The following PRSS33 variants were observed in gnomAD, a reference collection of about 807,000 sequenced individuals.
The protein encoded by PRSS33 is serine protease 33, also known as protease, serine 33.
In PRSS33, 32 loss-of-function variants were observed where a neutral mutation model predicts 26.7. That is an observed-to-expected ratio of 1.20 (90% confidence interval 0.90 to 1.61). The LOEUF is 1.61. Among genes scored for constraint, PRSS33 ranks in the 40% most tolerant of loss-of-function variants. PRSS33 has a pLI of 0.00. For synonymous variants in PRSS33, 192 were observed against 177.6 expected, an observed-to-expected ratio of 1.08 and a Z score of -0.64; for missense variants, 450 against 396.3, an observed-to-expected ratio of 1.14 and a Z score of -1.15.
chr16:2,786,662 C>G, intron 1 of PRSS33, 58 bp from the exon 2 acceptor site: 1 of 1,167,370 alleles, frequency 8.6e-7, no homozygotes, highest in Non-Finnish European at 1.2e-6. Context: ...AATCCTCACA[C>G]CAGCCCGTCA....
At position 2,784,780 on chromosome 16, in the gene PRSS33, G is replaced by T. The variant is rs752625879; in HGVS notation, c.707C>A (p.Thr236Asn). 6.2e-7 allele frequency: 1 copy of T among 1,608,452 alleles called. No individual in the cohort carries two copies. The change falls in exon 7 of 7, where the codon ACC becomes AAC. Residue 236 changes from threonine (T) to asparagine (N), a missense_variant. Coordinates refer to ENST00000682474, the MANE Select transcript of PRSS33 (RefSeq NM_152891.3). ...ACQGDSGGPL[T>N]CLQSGSWVLV... ...GACCCAGCTCCCAGACTGCAGGCAG[G>T]TCAGAGGTCCCCCAGAATCACCCTG...
chr16:2,785,155 C>T lies in PRSS33; in HGVS notation c.531G>A (p.Trp177Ter), dbSNP rs911248455. 3.9e-6 allele frequency: 6 copies of T among 1,540,170 alleles called. No homozygotes were observed. Among genetic ancestry groups the T allele is most frequent in the Non-Finnish European group, 4.4e-6 (5 of 1,146,376 alleles). The stretch of plus-strand genomic sequence containing the variant: ...GCACCCTTACTCCTTGTAGCGGTCG[C>T]CACTCTGGGAGGGGCACTGGGGGAA... ...SLRPGVPLPE[W>*]RPLQGVRVPL... is the part of the protein sequence containing the mutation. Residue 177 changes from tryptophan (W) to a stop codon, truncating the protein, a stop_gained, in exon 6 of 7, where the codon TGG becomes TGA. Coordinates refer to ENST00000682474, the MANE Select transcript of PRSS33 (RefSeq NM_152891.3). LOFTEE classifies it high-confidence loss of function.
At position 2,785,949 on chromosome 16, in the gene PRSS33, G is replaced by A; in HGVS notation, c.92C>T (p.Pro31Leu). 2 of 1,612,792 alleles carry A rather than the reference G, an allele frequency of 1.2e-6. No homozygotes were observed. Among genetic ancestry groups the A allele is most frequent in the African/African-American group, 1.3e-5 (1 of 75,070 alleles). Reference sequence around the variant, plus strand: ...CCCAACGATCCGACTGGACATGCGGGGCTGCCCGCAGGCTAGAAAAGGACC... The same window carrying A: ...CCCAACGATCCGACTGGACATGCGGAGCTGCCCGCAGGCTAGAAAAGGACC... ...QGRKSAACGQ[P>L]RMSSRIVGGR... The change falls in exon 4 of 7, where the codon CCC (proline) becomes CTC (leucine). Residue 31 changes from proline (P) to leucine (L), a missense_variant. Physicochemically the swap from Pro to Leu is moderately conservative, Grantham distance 98. Transcript: ENST00000682474.
chr16:2,786,721 A>G, intron 1 of PRSS33, 117 bp from the exon 2 acceptor site: 1 of 684,358 alleles, frequency 1.5e-6, no homozygotes, highest in East Asian at 2.8e-5. Flanking sequence ...TGGGTTCTGG[A>G]CTTATCCTGG....
rs886064602 is a variant in PRSS33, at chr16:2,785,083, C to T, written c.603G>A (p.Ala201=). 44 of 1,563,822 alleles carry T rather than the reference C, an allele frequency of 2.8e-5. No individual in the cohort carries two copies. Among genetic ancestry groups the T allele is most frequent in the Non-Finnish European group, 3.6e-5 (42 of 1,157,342 alleles). Residue 201 remains alanine, a synonymous_variant, in exon 6 of 7, where the codon GCG becomes GCA. Transcript: ENST00000682474. ...CAATGCGCTCAGCCTGGGGCACGTCCGCGCCCACGTGGTAGAGGCCGTCGC... is the reference window on the plus strand; with the variant it reads ...CAATGCGCTCAGCCTGGGGCACGTCTGCGCCCACGTGGTAGAGGCCGTCGC... ...RTCDGLYHVG[A]DVPQAERIVL...
In PRSS33 at chr16:2,784,946, G is replaced by A. The variant is rs1399500038; in HGVS notation, c.684+56C>T. The A allele has an allele frequency of 2.6e-6, 4 of 1,568,180 alleles. No homozygotes were observed. In the Admixed American group the frequency reaches 7.3e-5, roughly 29 times the overall value. ...GTCCTGGGTCCTGGAGTTCAGGGAG[G>A]GAGGGTGCTGGGCACAGGGAGGGGA... On this transcript the variant is annotated intron_variant, in intron 6 of 6. Coordinates refer to ENST00000682474, the MANE Select transcript of PRSS33 (RefSeq NM_152891.3).
In PRSS33 at chr16:2,786,538, C is replaced by A. The variant is rs1467397015; in HGVS notation, c.10G>T (p.Val4Phe). The change falls in exon 2 of 7, where the codon GTT becomes TTT. Residue 4 changes from valine (V) to phenylalanine (F), a missense_variant. Physicochemically the swap from Val to Phe is conservative, Grantham distance 50. Coordinates refer to ENST00000682474, the MANE Select transcript of PRSS33 (RefSeq NM_152891.3). MRG[V>F]SCLQVLLLLV... ...AGGAGCAGGACCTGGAGACAGGAAA[C>A]CCCTCTCATTCTGTCTTCAAGGCTG... The A allele has an allele frequency of 6.2e-7, 1 of 1,613,370 alleles. No homozygotes were observed. The highest frequency in any genetic ancestry group is 1.1e-5 in the South Asian group (1 of 91,076).
At chr16:2,787,896 C>G (rs1382912431), upstream of PRSS33, 1 of 152,242 alleles carries the variant, frequency 6.6e-6, no homozygotes, top group East Asian at 1.9e-4. Flanking sequence ...GTTGCTGGAG[C>G]TTCTGCGCTC....
At chr16:2,787,173 T>C (rs1378040261) in intron 1 of PRSS33, among the ~76,000 whole-genome samples, 1 of 2,882 alleles carries the variant, frequency 3.5e-4, no homozygotes, top group Non-Finnish European at 7.9e-4. Flanking sequence ...ACCCCTCCTC[T>C]ATCCTCACCC....
In PRSS33 at chr16:2,785,160, C is replaced by T. The variant is rs1177780406; in HGVS notation, c.526G>A (p.Glu176Lys). Residue 176 changes from glutamate to lysine, a missense_variant, in exon 6 of 7, where the codon GAG (glutamate) becomes AAG (lysine). Glu to Lys is a moderately conservative substitution (Grantham distance 56, BLOSUM62 1). Coordinates refer to ENST00000682474, the MANE Select transcript of PRSS33 (RefSeq NM_152891.3). ...CTTACTCCTTGTAGCGGTCGCCACT[C>T]TGGGAGGGGCACTGGGGGAAGAGGA... ...GSLRPGVPLP[E>K]WRPLQGVRVP... 3 of 1,538,930 alleles carry T rather than the reference C, an allele frequency of 1.9e-6. No individual in the cohort carries two copies. The highest frequency in any genetic ancestry group is 2.6e-6 in the Non-Finnish European group (3 of 1,145,812).
Position 2,785,080 on chromosome 16 carries a change from G to A in PRSS33, c.606C>T (p.Asp202=). The change falls in exon 6 of 7, where the codon GAC becomes GAT. Residue 202 remains aspartate (D), a synonymous_variant. Transcript: ENST00000682474. ...GCACAATGCGCTCAGCCTGGGGCAC[G>A]TCCGCGCCCACGTGGTAGAGGCCGT... ...TCDGLYHVGA[D]VPQAERIVLP... 3 of 1,566,022 alleles carry A rather than the reference G, an allele frequency of 1.9e-6. No homozygotes were observed. The highest frequency in any genetic ancestry group is 2.4e-5 in the East Asian group (1 of 42,548).
chr16:2,785,719 G>A (rs1299594885), intron 4 of PRSS33, 73 bp from the exon 5 acceptor site: 2 of 1,477,380 alleles, frequency 1.4e-6, no homozygotes, highest in African/African-American at 1.4e-5. Flanking sequence ...CGACCCCAAC[G>A]CCTCTGCCAG....
At position 2,785,056 on chromosome 16, in the gene PRSS33, C is replaced by T; in HGVS notation, c.630G>A (p.Val210=). ...GADVPQAERI[V]LPGSLCAGYP... Reference sequence around the variant, plus strand: ...AGCCGGCACACAGACTCCCAGGCAGCACAATGCGCTCAGCCTGGGGCACGT... The same window carrying T: ...AGCCGGCACACAGACTCCCAGGCAGTACAATGCGCTCAGCCTGGGGCACGT... The change falls in exon 6 of 7, where the codon GTG becomes GTA. Residue 210 remains valine, a synonymous_variant. Transcript: ENST00000682474. 6.3e-7 allele frequency: 1 copy of T among 1,583,064 alleles called. No individual in the cohort carries two copies. The highest frequency in any genetic ancestry group is 1.8e-5 in the Admixed American group (1 of 55,742).
chr16:2,786,433 G>C (rs374145682), intron 2 of PRSS33, 69 bp downstream of exon 2: 2 of 1,581,548 alleles, frequency 1.3e-6, no homozygotes, highest in Non-Finnish European at 1.7e-6. Context: ...GGCCCAGGGA[G>C]CAGTGAGATG....
chr16:2,785,903 T>TCCGTCCCGG lies in PRSS33; in HGVS notation c.129_137dup (p.Arg44_Gly46dup). Reference sequence around the variant, plus strand: ...GGATGCTCGCCTGCCACGGCCACTCTCCGTCCCGGCCATCCCGGCCCCCAA... The same window carrying TCCGTCCCGG: ...GGATGCTCGCCTGCCACGGCCACTCTCCGTCCCGGCCGTCCCGGCCATCCCGGCCCCCAA... On this transcript the variant is annotated inframe_insertion, in exon 4 of 7. Transcript: ENST00000682474. 6 of 1,611,564 alleles carry TCCGTCCCGG rather than the reference T, an allele frequency of 3.7e-6. No individual in the cohort carries two copies. The highest frequency in any genetic ancestry group is 4.2e-6 in the Non-Finnish European group (5 of 1,179,520).
chr16:2,785,127 G>A lies in PRSS33; in HGVS notation c.559C>T (p.Leu187=), dbSNP rs1157779411. The change falls in exon 6 of 7, where the codon CTG becomes TTG. Residue 187 remains leucine, a synonymous_variant. Coordinates refer to ENST00000682474, the MANE Select transcript of PRSS33 (RefSeq NM_152891.3). The part of the protein sequence containing the change: ...WRPLQGVRVP[L]LDSRTCDGLY... ...CCGTCGCAGGTGCGCGAGTCCAGCA[G>A]CGGCACCCTTACTCCTTGTAGCGGT... 6.5e-7 allele frequency: 1 copy of A among 1,545,498 alleles called. No homozygotes were observed. The highest frequency in any genetic ancestry group is 1.2e-5 in the South Asian group (1 of 84,174).
At position 2,785,453 on chromosome 16, in the gene PRSS33, A is replaced by G; in HGVS notation, c.436T>C (p.Cys146Arg). 6.6e-7 allele frequency: 1 copy of G among 1,504,494 alleles called. No individual in the cohort carries two copies. The highest frequency in any genetic ancestry group is 2.6e-5 in the East Asian group (1 of 38,156). 93.2% of individuals were successfully genotyped at this position (1,504,494 alleles called of 1,614,324 possible). The change falls in exon 5 of 7, where the codon TGC (cysteine) becomes CGC (arginine). Residue 146 changes from cysteine (C) to arginine (R), a missense_variant. Transcript: ENST00000682474. ...VPLSARVQPVCLPVPGARPPP... is the reference protein window; with the variant it reads ...VPLSARVQPVRLPVPGARPPP... The stretch of plus-strand genomic sequence containing the variant: ...GGGCGGGCGCCGGGCACGGGCAGGC[A>G]GACGGGTTGGACGCGAGCGCTCAGG...
In PRSS33 at chr16:2,785,597, C is replaced by G; in HGVS notation, c.292G>C (p.Gly98Arg). Residue 98 changes from glycine to arginine, a missense_variant, in exon 5 of 7, where the codon GGC (glycine) becomes CGC (arginine). Coordinates refer to ENST00000682474, the MANE Select transcript of PRSS33 (RefSeq NM_152891.3). ...YRVRLGALRL[G>R]STSPRTLSVP... ...GAGAGCGTGCGGGGCGAGGTGGAGC[C>G]CAGACGCAGCGCCCCCAGGCGCACG... 6.6e-7 allele frequency: 1 copy of G among 1,517,110 alleles called. No homozygotes were observed. Among genetic ancestry groups the G allele is most frequent in the Non-Finnish European group, 8.8e-7 (1 of 1,139,668 alleles). The allele number at this position is 1,517,110 out of a possible 1,614,324, so 94.0% of individuals were successfully genotyped here. A position where few individuals can be genotyped will look rare whatever the true frequency, so the allele number is the denominator to read the frequency against.
Position 2,784,576 on chromosome 16 carries a change from G to A in PRSS33, c.*68C>T. 1.4e-6 allele frequency: 2 copies of A among 1,457,858 alleles called. No homozygotes were observed. Among genetic ancestry groups the A allele is most frequent in the Non-Finnish European group, 1.8e-6 (2 of 1,083,874 alleles). The allele number at this position is 1,457,858 out of a possible 1,614,324, so 90.3% of individuals were successfully genotyped here. A position where few individuals can be genotyped will look rare whatever the true frequency, so the allele number is the denominator to read the frequency against. ...CAGAAGGGATGTGGGGTATAGGCAG[G>A]TGCCTGGATGAACCAGGAGGCTGAG... is the stretch of plus-strand genomic sequence containing the variant. On this transcript the variant is annotated 3_prime_UTR_variant, in exon 7 of 7. Coordinates refer to ENST00000682474, the MANE Select transcript of PRSS33 (RefSeq NM_152891.3).
Sources: gnomAD v4.1 joint callset for allele counts (sites outside exome capture counted in the v4.1 genomes callset) on GRCh38, gnomAD v4.1.1 for gene constraint, MANE v1.5 for transcripts, NCBI Gene and HGNC (gene_info 2026-07-23, HGNC 2026-07-21) for gene names.